The following GPR89B variants were observed in gnomAD, a reference collection of about 807,000 sequenced individuals.
The protein encoded by GPR89B is G protein-coupled receptor 89B.
A neutral mutation model predicts 52.4 loss-of-function variants in GPR89B; 25 were observed. The ratio of observed to expected loss-of-function variants is 0.48; its 90% CI spans 0.35 to 0.67. The LOEUF (loss-of-function observed/expected upper bound fraction) is 0.67. Ranked by LOEUF, GPR89B falls within the 30% of genes least tolerant of loss-of-function variation. GPR89B has a pLI of 0.01. For synonymous variants in GPR89B, 52 were observed against 151.2 expected (o/e 0.34, Z 4.81); for missense variants, 146 against 450.2 (o/e 0.32, Z 6.11).
At chr1:148,004,323 AT>A in the GPR89B span, among the ~76,000 whole-genome samples, 638 of 141,314 alleles carry the variant, frequency 4.5e-3, no homozygotes, top group East Asian at 6.8e-3. Context: ...CACCTGGCTA[AT>A]TTTTTTTTTT....
chr1:148,020,081 T>C, the GPR89B span, among the ~76,000 whole-genome samples: 1 of 150,080 alleles, frequency 6.7e-6, no homozygotes, highest in Non-Finnish European at 1.5e-5. Context: ...CTGATGTTCG[T>C]GTCAAGGTTG....
intron 2 of GPR89B, among the ~76,000 whole-genome samples, chr1:147,938,051 GTTC>G (rs782160856): frequency 6.6e-6 from 1 of 152,030 alleles, no homozygotes; most frequent in Non-Finnish European, 1.5e-5. Context: ...AACAATTTAT[GTTC>G]TTCTGCTGCG....
At chr1:147,971,241 C>T (rs1244375990) in intron 10 of GPR89B, among the ~76,000 whole-genome samples, 1 of 151,272 alleles carries the variant, frequency 6.6e-6, no homozygotes, top group Non-Finnish European at 1.5e-5. Context: ...CCTCTGCCTC[C>T]TGGGCTCAAG....
At chr1:147,995,985 T>A, downstream of GPR89B, 1 of 989,968 alleles carries the variant, frequency 1.0e-6, no homozygotes, top group East Asian at 2.4e-5. Context: ...GAATTTATTT[T>A]TAATCATGTT....
chr1:147,934,906 T>C (rs1212500302), intron 1 of GPR89B, among the ~76,000 whole-genome samples: 1 of 152,080 alleles, frequency 6.6e-6, no homozygotes, highest in African/African-American at 2.4e-5. Flanking sequence ...CCATCTTTTA[T>C]GTAGACCACT....
the GPR89B span, among the ~76,000 whole-genome samples, chr1:148,005,963 A>G: frequency 6.6e-6 from 1 of 152,090 alleles, no homozygotes; most frequent in South Asian, 2.1e-4. Flanking sequence ...ACCCTTTCAC[A>G]GAACACTCCA....
intron 9 of GPR89B, 83 bp from the exon 10 acceptor site, chr1:147,969,784 T>C: frequency 6.6e-7 from 1 of 1,515,256 alleles, no homozygotes; most frequent in South Asian, 1.3e-5. Context: ...ACCTGAACAG[T>C]GATTCATAGA....
chr1:147,972,378 G>A (rs1657537419), intron 10 of GPR89B, among the ~76,000 whole-genome samples: 1 of 150,956 alleles, frequency 6.6e-6, no homozygotes, highest in Admixed American at 6.6e-5. Flanking sequence ...CAGATGTAAT[G>A]TTTAACTTTT....
chr1:147,980,665 A>G (rs1353496376), intron 10 of GPR89B, among the ~76,000 whole-genome samples: 5 of 150,828 alleles, frequency 3.3e-5, no homozygotes, highest in South Asian at 2.1e-4. Flanking sequence ...GAACATTTTT[A>G]TCAAGCCAAA....
chr1:147,970,656 A>G (rs1304838934), intron 10 of GPR89B, among the ~76,000 whole-genome samples: 24 of 150,404 alleles, frequency 1.6e-4, no homozygotes, highest in African/African-American at 5.4e-4. Flanking sequence ...TATAACTTCA[A>G]CTTCTACCTT....
chr1:147,936,129 T>C (rs1314299715), intron 1 of GPR89B, among the ~76,000 whole-genome samples: 22 of 152,220 alleles, frequency 1.4e-4, no homozygotes, highest in African/African-American at 5.1e-4. Flanking sequence ...GCGATTCTCA[T>C]GCCTCAGCCT....
intron 7 of GPR89B, among the ~76,000 whole-genome samples, chr1:147,962,876 A>G (rs1454868334): frequency 4.0e-5 from 6 of 151,554 alleles, no homozygotes; most frequent in Non-Finnish European, 7.4e-5. Flanking sequence ...AGCCTGGGCA[A>G]CAGAGCGAGA....
the GPR89B span, among the ~76,000 whole-genome samples, chr1:148,019,943 A>G: frequency 1.3e-5 from 2 of 151,788 alleles, no homozygotes; most frequent in East Asian, 3.9e-4. Context: ...CCAGGAACTC[A>G]AAAGAGGTGT....
intron 7 of GPR89B, among the ~76,000 whole-genome samples, chr1:147,957,850 G>A (rs1310900108): frequency 2.6e-5 from 4 of 151,976 alleles, no homozygotes; most frequent in Admixed American, 6.6e-5. Flanking sequence ...AGATCACAAG[G>A]TCAGGAGATC....
At chr1:147,986,153 A>T (rs1658650882) in intron 10 of GPR89B, 46 bp from the exon 11 acceptor site, 1 of 1,609,682 alleles carries the variant, frequency 6.2e-7, no homozygotes, top group East Asian at 2.2e-5. Context: ...TTGAAATAGT[A>T]AGTGATTGTT....
At chr1:147,995,842 C>T (rs1302029163), downstream of GPR89B, 16 of 1,541,484 alleles carry the variant, frequency 1.0e-5, no homozygotes, top group Non-Finnish European at 1.4e-5. Flanking sequence ...TGATGACATC[C>T]TCATCCTCTA....
intron 9 of GPR89B, 146 bp downstream of exon 9, chr1:147,969,109 T>A: frequency 1.7e-6 from 1 of 593,072 alleles, no homozygotes; most frequent in Non-Finnish European, 2.9e-6. Context: ...GGATAAGGGA[T>A]CTTCACTCTT....
At chr1:147,962,384 G>T (rs2796980) in intron 7 of GPR89B, among the ~76,000 whole-genome samples, 14 of 148,530 alleles carry the variant, frequency 9.4e-5, no homozygotes, top group Admixed American at 2.0e-4. Flanking sequence ...AGATTGCTCC[G>T]CTGCCCTCCA....
At chr1:147,949,478 G>A (rs1255849728) in intron 5 of GPR89B, among the ~76,000 whole-genome samples, 5 of 111,528 alleles carry the variant, frequency 4.5e-5, no homozygotes, top group Admixed American at 8.4e-5. Flanking sequence ...CGGACGGGGC[G>A]GCTGGCCGGG....
Sources: allele counts gnomAD v4.1 joint callset (sites outside exome capture counted in the v4.1 genomes callset), GRCh38; gene constraint gnomAD v4.1.1; transcripts MANE v1.5; gene names NCBI Gene and HGNC (gene_info 2026-07-23, HGNC 2026-07-21).